PALLD: variants seen among roughly 807,000 people sequenced by gnomAD.
The protein encoded by PALLD is palladin, cytoskeletal associated protein.
Under a neutral mutation model 123.5 loss-of-function variants are expected in PALLD, and 61 were observed. The ratio of observed to expected loss-of-function variants is 0.49; its 90% CI spans 0.40 to 0.61. The LOEUF (loss-of-function observed/expected upper bound fraction) is 0.61. Ranked by LOEUF, PALLD falls within the 20% of genes least tolerant of loss-of-function variation. The probability of loss-of-function intolerance (pLI) is 0.00; values close to 1 mark genes in which losing one functional copy is unlikely to be tolerated. For missense variants in PALLD, 1,273 were observed against 1,377.0 expected (o/e 0.92, Z 1.20); for synonymous variants, 465 against 496.4 (o/e 0.94, Z 0.84).
rs1336255322 is a variant in PALLD at position 168,512,509 on chromosome 4, T to C, written c.908+97T>C. On this transcript the variant is annotated intron_variant, in intron 2 of 21. Transcript: ENST00000505667. ...AAGATTTCCTGTGTCATTAGCCCTC[T>C]GGAGACTGAGGTAGAGTACTTGCAA... is the stretch of plus-strand genomic sequence containing the variant. The C allele has an allele frequency of 1.8e-5, 21 of 1,139,990 alleles. No homozygotes were observed. The East Asian group carries it at 4.6e-4, about 25-fold the overall frequency. 70.6% of individuals were successfully genotyped at this position (1,139,990 alleles called of 1,614,324 possible).
intron 10 of PALLD, among the ~76,000 whole-genome samples, chr4:168,876,271 C>A (rs1366919269): frequency 6.6e-6 from 1 of 152,172 alleles, no homozygotes; most frequent in Non-Finnish European, 1.5e-5. Flanking sequence ...GAGTTCTATT[C>A]CTGGGCCAGT....
At chr4:168,569,827 T>A (rs1247279249) in intron 2 of PALLD, among the ~76,000 whole-genome samples, 3 of 152,140 alleles carry the variant, frequency 2.0e-5, no homozygotes, top group Non-Finnish European at 4.4e-5. Context: ...CATTAACTCT[T>A]CTGCTGCCTA....
chr4:168,853,094 C>T (rs1748038172), intron 10 of PALLD, among the ~76,000 whole-genome samples: 1 of 152,168 alleles, frequency 6.6e-6, no homozygotes, highest in Non-Finnish European at 1.5e-5. Flanking sequence ...AAAAGTCACA[C>T]ATAGCTAATT....
chr4:168,603,669 T>C (rs374562912), intron 2 of PALLD, among the ~76,000 whole-genome samples: 3 of 152,282 alleles, frequency 2.0e-5, no homozygotes, highest in South Asian at 2.1e-4. Flanking sequence ...TAGGTGTCAT[T>C]CTCTTCGTTA....
chr4:168,883,032 G>T (rs1018870352), intron 10 of PALLD, among the ~76,000 whole-genome samples: 1 of 151,084 alleles, frequency 6.6e-6, no homozygotes, highest in Non-Finnish European at 1.5e-5. Context: ...TGAGGTTGCA[G>T]TGAGCTGAGA....
At chr4:168,889,016 G>A (rs1453101720) in intron 10 of PALLD, among the ~76,000 whole-genome samples, 2 of 152,090 alleles carry the variant, frequency 1.3e-5, no homozygotes, top group African/African-American at 2.4e-5. Flanking sequence ...GGGTGAAACC[G>A]TGAACCCAGT....
At chr4:168,711,104 T>C (rs550589612) in intron 9 of PALLD, among the ~76,000 whole-genome samples, 1 of 152,332 alleles carries the variant, frequency 6.6e-6, no homozygotes, top group Admixed American at 6.5e-5. Flanking sequence ...AATATTTTTA[T>C]GAGATTATGA....
intron 10 of PALLD, among the ~76,000 whole-genome samples, chr4:168,816,389 GTATATA>G (rs34216824): frequency 2.9e-5 from 4 of 139,024 alleles, no homozygotes; most frequent in Admixed American, 7.3e-5. Flanking sequence ...GTGTATGTGT[GTATATA>G]TATATATATA....
In PALLD at chr4:168,921,129, G is replaced by A. The variant is rs199698081; in HGVS notation, c.2851-405G>A. Among the ~76,000 whole-genome samples the A allele has an allele frequency of 5.9e-5, 9 of 152,168 alleles. No homozygotes were observed. The East Asian group carries it at 1.4e-3, about 23-fold the overall frequency. ...GATACTAAAAGCCATCTCTTGGCCC[G>A]GTGCAATGGCTCATGCTTGTAATCC... is the stretch of plus-strand genomic sequence containing the variant. On this transcript the variant is annotated intron_variant, in intron 17 of 21. Coordinates refer to ENST00000505667, the MANE Select transcript of PALLD (RefSeq NM_001166108.2).
At chr4:168,499,246 A>AGAAGGGAGGGAAGAAGGGAGGGAG (rs1761087269) in intron 1 of PALLD, among the ~76,000 whole-genome samples, 1 of 82,006 alleles carries the variant, frequency 1.2e-5, no homozygotes, top group African/African-American at 5.2e-5. Flanking sequence ...GAAGGAAGGG[A>AGAAGGGAGGGAAGAAGGGAGGGAG]GAAGGGAGGG....
intron 2 of PALLD, among the ~76,000 whole-genome samples, chr4:168,574,738 A>G (rs1045130512): frequency 3.9e-5 from 6 of 152,110 alleles, no homozygotes; most frequent in Admixed American, 3.3e-4. Context: ...TTTGCCCTGA[A>G]TGAGTTGGAA....
intron 14 of PALLD, among the ~76,000 whole-genome samples, chr4:168,900,534 A>C (rs1478742927): frequency 6.6e-6 from 1 of 152,076 alleles, no homozygotes; most frequent in Non-Finnish European, 1.5e-5. Context: ...GAAAAGTGAT[A>C]AAAAAATACC....
chr4:168,661,300 C>T (rs10452272), intron 2 of PALLD, among the ~76,000 whole-genome samples: 56,211 of 151,980 alleles, frequency 0.37, 10,793 homozygotes, highest in African/African-American at 0.48. Flanking sequence ...TTTTCTTCTC[C>T]GTTAGCCCCT....
intron 2 of PALLD, among the ~76,000 whole-genome samples, chr4:168,606,401 G>A (rs531111066): frequency 3.9e-5 from 6 of 152,244 alleles, no homozygotes; most frequent in African/African-American, 9.6e-5. Context: ...CTGGCCAGGC[G>A]TGGTGGCTCA....
chr4:168,775,651 A>T (rs1735080448), intron 10 of PALLD, among the ~76,000 whole-genome samples: 1 of 152,228 alleles, frequency 6.6e-6, no homozygotes, highest in South Asian at 2.1e-4. Flanking sequence ...TTCCAGGCAC[A>T]CATATTATAG....
intron 10 of PALLD, among the ~76,000 whole-genome samples, chr4:168,741,533 A>G (rs1788338663): frequency 6.6e-6 from 1 of 152,050 alleles, no homozygotes. Flanking sequence ...AAAAAAAAAT[A>G]AAAGTAGCCG....
intron 2 of PALLD, among the ~76,000 whole-genome samples, chr4:168,529,541 C>G (rs539704338): frequency 6.6e-6 from 1 of 152,048 alleles, no homozygotes; most frequent in Non-Finnish European, 1.5e-5. Context: ...AGTTTTCCCC[C>G]CAAAGAAATG....
At chr4:168,620,221 C>T (rs1241817183) in intron 2 of PALLD, among the ~76,000 whole-genome samples, 1 of 152,184 alleles carries the variant, frequency 6.6e-6, no homozygotes, top group Non-Finnish European at 1.5e-5. Context: ...CTTTGGGAGG[C>T]CAAGGCAGGT....
intron 2 of PALLD, among the ~76,000 whole-genome samples, chr4:168,527,060 T>C (rs955462603): frequency 2.6e-5 from 4 of 152,168 alleles, no homozygotes; most frequent in African/African-American, 9.7e-5. Context: ...CAGCTGCTTG[T>C]GGCATTTGTC....
Sources: gnomAD v4.1 joint callset for allele counts (sites outside exome capture counted in the v4.1 genomes callset) on GRCh38, gnomAD v4.1.1 for gene constraint, MANE v1.5 for transcripts, NCBI Gene and HGNC (gene_info 2026-07-23, HGNC 2026-07-21) for gene names.